The following LARP7 variants were observed in gnomAD, a reference collection of about 807,000 sequenced individuals.
The protein encoded by LARP7 is la-related protein 7.
LARP7 carries 52 observed loss-of-function variants against 69.3 expected under a neutral mutation model. The ratio of observed to expected loss-of-function variants is 0.75; its 90% CI spans 0.60 to 0.95. LARP7 has a LOEUF of 0.95. Ranked by LOEUF, LARP7 falls within the 40% of genes least tolerant of loss-of-function variation. The pLI, the probability that LARP7 is intolerant of heterozygous loss-of-function variation, is 0.00. For synonymous variants in LARP7, 254 were observed against 215.9 expected, an observed-to-expected ratio of 1.18 and a Z score of -1.55; for missense variants, 733 against 673.0, an observed-to-expected ratio of 1.09 and a Z score of -0.99.
intron 2 of LARP7, among the ~76,000 whole-genome samples, chr4:112,646,130 A>G (rs1191537737): frequency 6.6e-6 from 1 of 151,808 alleles, no homozygotes; most frequent in Non-Finnish European, 1.5e-5. Context: ...GGCGTGCACC[A>G]CTACACCCAG....
Position 112,650,498 on chromosome 4 carries a change from T to TA in LARP7, c.1334dup (p.Asn445LysfsTer17). 1 of 1,613,876 alleles carries TA rather than the reference T, an allele frequency of 6.2e-7. No individual in the cohort carries two copies. The highest frequency in any genetic ancestry group is 8.5e-7 in the Non-Finnish European group (1 of 1,179,796). ...AAGAGTGTCGCACCCAGGAGAAAGT[T>TA]AATGCAACAGGACCACAGTTCGTGA... On this transcript the variant is annotated frameshift_variant, in exon 10 of 13. Coordinates refer to ENST00000344442, the MANE Select transcript of LARP7 (RefSeq NM_016648.4). LOFTEE classifies it high-confidence loss of function.
intron 10 of LARP7, among the ~76,000 whole-genome samples, chr4:112,652,165 T>C (rs2048771093): frequency 6.6e-6 from 1 of 151,994 alleles, no homozygotes; most frequent in Admixed American, 6.6e-5. Context: ...GATGAAATAA[T>C]ACTTCCAGGT....
intron 8 of LARP7, 41 bp from the exon 9 acceptor site, chr4:112,649,494 T>C: frequency 6.7e-7 from 1 of 1,490,968 alleles, no homozygotes; most frequent in Non-Finnish European, 9.0e-7. Flanking sequence ...TATTTACTTT[T>C]TATATTTAGT....
chr4:112,647,457 A>T lies in LARP7; in HGVS notation c.905A>T (p.Asp302Val). The change falls in exon 7 of 13, where the codon GAT becomes GTT. Residue 302 changes from aspartate to valine, a missense_variant. Physicochemically the swap from Asp to Val is radical, Grantham distance 152. Transcript: ENST00000344442. ...AAGAGGAAGAGAAGCAGCTCTGAAG[A>T]TGCAGAATCCCTAGCTCCCCGATCA... ...TGKRKRSSSEDAESLAPRSKV... is the reference protein window; with the variant it reads ...TGKRKRSSSEVAESLAPRSKV... The T allele has an allele frequency of 6.2e-7, 1 of 1,614,064 alleles. No homozygotes were observed.
At chr4:112,640,658 C>T (rs1432696020) in intron 1 of LARP7, among the ~76,000 whole-genome samples, 2 of 152,138 alleles carry the variant, frequency 1.3e-5, no homozygotes, top group African/African-American at 4.8e-5. Flanking sequence ...CAAGATTGTG[C>T]CACTGCAGTC....
At position 112,649,680 on chromosome 4, in the gene LARP7, G is replaced by GA; in HGVS notation, c.1294dup (p.Thr432AsnfsTer14). The GA allele has an allele frequency of 6.3e-7, 1 of 1,583,020 alleles. No individual in the cohort carries two copies. The stretch of plus-strand genomic sequence containing the variant: ...ACCTCAAAACACTGGAATGAAAAAT[G>GA]AAAAAAGTAAAGATCACTGATAGTT... On this transcript the variant is annotated frameshift_variant, in exon 9 of 13. Transcript: ENST00000344442. LOFTEE classifies it high-confidence loss of function.
chr4:112,656,053 A>G (rs910503704), intron 12 of LARP7, among the ~76,000 whole-genome samples: 5 of 152,190 alleles, frequency 3.3e-5, no homozygotes, highest in African/African-American at 9.6e-5. Context: ...ATATTTCTAC[A>G]ATAGTGTTGT....
Position 112,643,140 on chromosome 4 carries a change from A to T in LARP7, c.-2-1528A>T, listed in dbSNP as rs557766294. On this transcript the variant is annotated intron_variant, in intron 1 of 12. Transcript: ENST00000344442. ...CAAACAAAAATCTCTGATTTCATTG[A>T]TCTTACCATCTAGGAAGGATAAACA... Among the ~76,000 whole-genome samples the T allele has an allele frequency of 7.9e-5, 12 of 152,376 alleles. No individual in the cohort carries two copies. The South Asian group carries it at 2.5e-3, about 32-fold the overall frequency.
chr4:112,638,741 G>A (rs1189303633), intron 1 of LARP7, among the ~76,000 whole-genome samples: 1 of 152,214 alleles, frequency 6.6e-6, no homozygotes, highest in African/African-American at 2.4e-5. Context: ...ACTCAATGAT[G>A]TACTTACTCA....
Position 112,648,353 on chromosome 4 carries a change from C to T in LARP7, c.1142+519C>T, listed in dbSNP as rs936909465. ...AATTTTGTAACAAAAGGTGTGCTGG[C>T]TTGGAGACACCTCCACTGAAACATG... On this transcript the variant is annotated intron_variant, in intron 8 of 12. Coordinates refer to ENST00000344442, the MANE Select transcript of LARP7 (RefSeq NM_016648.4). 9.4e-6 allele frequency: 5 copies of T among 534,294 alleles called. No homozygotes were observed. In the African/African-American group the frequency reaches 9.6e-5, roughly 10 times the overall value. 33.1% of individuals were successfully genotyped at this position (534,294 alleles called of 1,614,324 possible).
rs181526542 is a variant in LARP7, at chr4:112,647,290, C to A, written c.738C>A (p.Thr246=). ...AKEENMDTSN[T]SISKMKRSRP... ...AAGAAAACATGGACACAAGCAACAC[C>A]AGCATCAGTAAAATGAAAAGATCCA... The change falls in exon 7 of 13, where the codon ACC becomes ACA. Residue 246 remains threonine (T), a synonymous_variant. Coordinates refer to ENST00000344442, the MANE Select transcript of LARP7 (RefSeq NM_016648.4). 4.0e-5 allele frequency: 65 copies of A among 1,613,924 alleles called. No homozygotes were observed. In the East Asian group the frequency reaches 9.6e-4, roughly 24 times the overall value.
chr4:112,648,133 C>T (rs2048438950), intron 8 of LARP7: 1 of 532,176 alleles, frequency 1.9e-6, no homozygotes, highest in Non-Finnish European at 3.8e-6. Context: ...GCGGTCAATA[C>T]AATAAAGTTA....
intron 8 of LARP7, chr4:112,648,660 G>A (rs967213810): frequency 2.3e-5 from 9 of 399,432 alleles, no homozygotes; most frequent in African/African-American, 1.7e-4. Context: ...TTACCTTCCT[G>A]AACTAGTTCC....
chr4:112,646,317 TACACTA>T (rs2048234174), intron 2 of LARP7, 28 bp from the exon 3 acceptor site: 1 of 1,064,510 alleles, frequency 9.4e-7, no homozygotes, highest in South Asian at 1.4e-5. Flanking sequence ...ATCCTGCTGA[TACACTA>T]ACATATTAAC....
intron 1 of LARP7, chr4:112,638,134 A>G (rs2047772047): frequency 6.6e-6 from 1 of 152,210 alleles, no homozygotes; most frequent in South Asian, 2.1e-4. Flanking sequence ...CGTCTCTACT[A>G]AAAACACAAA....
rs768639028 is a variant in LARP7, at chr4:112,648,085, G to T, written c.1142+251G>T. 39 of 601,122 alleles carry T rather than the reference G, an allele frequency of 6.5e-5. 1 individual carries two copies. Among genetic ancestry groups the T allele is most frequent in the Non-Finnish European group, 1.3e-4 (39 of 303,450 alleles). 37.2% of individuals were successfully genotyped at this position (601,122 alleles called of 1,614,324 possible). On this transcript the variant is annotated intron_variant, in intron 8 of 12. Transcript: ENST00000344442. ...TTAAAGTAGAGGGGGCCCCTTAACAGATGTAAAAATACAAAATAAAGCTTA... is the reference window on the plus strand; with the variant it reads ...TTAAAGTAGAGGGGGCCCCTTAACATATGTAAAAATACAAAATAAAGCTTA...
chr4:112,644,266 A>T, intron 1 of LARP7: 1 of 216,538 alleles, frequency 4.6e-6, no homozygotes, highest in Non-Finnish European at 8.2e-6. Context: ...AAGCGAATAC[A>T]ACTTCTCTGG....
In LARP7 at chr4:112,647,519, G is replaced by A. The variant is rs1426020844; in HGVS notation, c.967G>A (p.Glu323Lys). The A allele has an allele frequency of 1.2e-6, 2 of 1,607,266 alleles. No individual in the cohort carries two copies. Among genetic ancestry groups the A allele is most frequent in the Admixed American group, 1.7e-5 (1 of 58,452 alleles). Residue 323 changes from glutamate (E) to lysine (K), a missense_variant, in exon 7 of 13, where the codon GAA (glutamate) becomes AAA (lysine). Transcript: ENST00000344442. ...KKIIQKDIIKEASEASKENRD... is the reference protein window; with the variant it reads ...KKIIQKDIIKKASEASKENRD... ...AATTATTCAGAAAGACATCATTAAG[G>A]AAGCATCAGAAGCTTCCAAGGAAAA...
intron 10 of LARP7, among the ~76,000 whole-genome samples, chr4:112,652,802 T>A (rs1223178790): frequency 6.6e-6 from 1 of 151,972 alleles, no homozygotes; most frequent in East Asian, 1.9e-4. Flanking sequence ...GCTCTATAAA[T>A]CTGTTGTCCT....
Sources: gnomAD v4.1 joint callset for allele counts (sites outside exome capture counted in the v4.1 genomes callset) on GRCh38, gnomAD v4.1.1 for gene constraint, MANE v1.5 for transcripts, NCBI Gene and HGNC (gene_info 2026-07-23, HGNC 2026-07-21) for gene names.